Variants in HNRNPA0 observed in about 807,000 individuals in gnomAD.
HNRNPA0 encodes the protein heterogeneous nuclear ribonucleoprotein A0, also known as hnRNA binding protein.
For missense variants in HNRNPA0, 252 were observed against 433.7 expected (o/e 0.58, Z 3.72); for synonymous variants, 243 against 195.5 (o/e 1.24, Z -2.03).
chr5:137,754,164 C>G lies in HNRNPA0; in HGVS notation c.-98G>C. 7.0e-7 allele frequency: 1 copy of G among 1,434,386 alleles called. No individual in the cohort carries two copies. The highest frequency in any genetic ancestry group is 2.5e-5 in the East Asian group (1 of 39,824). The allele number at this position is 1,434,386 out of a possible 1,614,324, so 88.9% of individuals were successfully genotyped here. On this transcript the variant is annotated 5_prime_UTR_variant, in exon 1 of 1. Coordinates refer to ENST00000314940, the MANE Select transcript of HNRNPA0 (RefSeq NM_006805.4). The stretch of plus-strand genomic sequence containing the variant: ...AGGCCTCTACACAGCTTGGGCCCAG[C>G]CGTTGCTGGAGCCACCCCCGCCGCT...
chr5:137,753,272 A>G lies in HNRNPA0; in HGVS notation c.795T>C (p.Tyr265=). 6.2e-7 allele frequency: 1 copy of G among 1,600,128 alleles called. No individual in the cohort carries two copies. The highest frequency in any genetic ancestry group is 8.5e-7 in the Non-Finnish European group (1 of 1,173,928). The change falls in exon 1 of 1, where the codon TAT becomes TAC. Residue 265 remains tyrosine (Y), a synonymous_variant. Coordinates refer to ENST00000314940, the MANE Select transcript of HNRNPA0 (RefSeq NM_006805.4). The surrounding 1 kb of genome is among the most constrained non-coding windows in gnomAD (Gnocchi z 6.1). ...CGCCGCCGCCGCTCTTCATGGGCCC[A>G]TAGGAGGACTGATGCTGGCTGTAGC... The part of the protein sequence containing the change: ...FGSYSQHQSS[Y]GPMKSGGGGG...
In HNRNPA0 at chr5:137,753,730, C is replaced by G. The variant is rs142599505; in HGVS notation, c.337G>C (p.Asp113His). ...AACTGCGAGAAGTGCTCGATCAGGT[C>G]GCCCTCAGCCACGTCTCCTTTAAGG... is the stretch of plus-strand genomic sequence containing the variant. ...GGLKGDVAEGDLIEHFSQFGT... is the reference protein window; with the variant it reads ...GGLKGDVAEGHLIEHFSQFGT... Residue 113 changes from aspartate to histidine, a missense_variant, in exon 1 of 1, where the codon GAC (aspartate) becomes CAC (histidine). Coordinates refer to ENST00000314940, the MANE Select transcript of HNRNPA0 (RefSeq NM_006805.4). This position sits in a 1 kb window ranked among gnomAD's most constrained non-coding sequence, Gnocchi z 6.1. The G allele has an allele frequency of 9.3e-6, 15 of 1,612,942 alleles. No homozygotes were observed. In the African/African-American group the frequency reaches 2.0e-4, roughly 22 times the overall value.
Position 137,752,394 on chromosome 5 carries a change from T to TA in HNRNPA0, c.*754dup, listed in dbSNP as rs1228925964. The TA allele has an allele frequency of 1.3e-5, 2 of 152,084 alleles. No individual in the cohort carries two copies. Among genetic ancestry groups the TA allele is most frequent in the Admixed American group, 1.3e-4 (2 of 15,274 alleles). The allele number at this position is 152,084 out of a possible 1,614,324, so 9.4% of individuals were successfully genotyped here. ...TACAAGAGATGGATGCACAGAAACT[T>TA]AAGAGTTTAAAAAGCCACATCCACC... On this transcript the variant is annotated 3_prime_UTR_variant, in exon 1 of 1. Coordinates refer to ENST00000314940, the MANE Select transcript of HNRNPA0 (RefSeq NM_006805.4).
In HNRNPA0 at chr5:137,748,431, C is replaced by T. The variant is rs983518402; in HGVS notation, c.*4718G>A. 1.3e-5 allele frequency: 2 copies of T among 152,098 alleles called. No individual in the cohort carries two copies. The highest frequency in any genetic ancestry group is 2.4e-5 in the African/African-American group (1 of 41,388). The allele number at this position is 152,098 out of a possible 1,614,324, so 9.4% of individuals were successfully genotyped here. A position where few individuals can be genotyped will look rare whatever the true frequency, so the allele number is the denominator to read the frequency against. On this transcript the variant is annotated 3_prime_UTR_variant, in exon 1 of 1. Coordinates refer to ENST00000314940, the MANE Select transcript of HNRNPA0 (RefSeq NM_006805.4). ...CTCACCCAGCAAGTAAAGAGCAAAGCCTAAAGACCATGCATATCTCGGGTA... is the reference window on the plus strand; with the variant it reads ...CTCACCCAGCAAGTAAAGAGCAAAGTCTAAAGACCATGCATATCTCGGGTA...
In HNRNPA0 at chr5:137,745,727, A is replaced by G. The variant is rs1753401138; in HGVS notation, c.*7422T>C. On this transcript the variant is annotated 3_prime_UTR_variant, in exon 1 of 1. Transcript: ENST00000314940. ...TTGGATCATACAGGAAAAAGACATA[A>G]GCAGAATCTGGAGGAATCCATGTGC... 1 of 152,222 alleles carries G rather than the reference A, an allele frequency of 6.6e-6. No individual in the cohort carries two copies. The highest frequency in any genetic ancestry group is 6.5e-5 in the Admixed American group (1 of 15,274). The allele number at this position is 152,222 out of a possible 1,614,324, so 9.4% of individuals were successfully genotyped here. A position where few individuals can be genotyped will look rare whatever the true frequency, so the allele number is the denominator to read the frequency against.
In HNRNPA0 at chr5:137,752,585, G is replaced by C. The variant is rs1753520643; in HGVS notation, c.*564C>G. ...CAAATATCCCTTAAAAAACGGTACG[G>C]AATGGATCCTAGAAAAAAAATGTTA... On this transcript the variant is annotated 3_prime_UTR_variant, in exon 1 of 1. Coordinates refer to ENST00000314940, the MANE Select transcript of HNRNPA0 (RefSeq NM_006805.4). The C allele has an allele frequency of 1.4e-5, 2 of 145,898 alleles. No individual in the cohort carries two copies. Among genetic ancestry groups the C allele is most frequent in the African/African-American group, 4.9e-5 (2 of 40,982 alleles). The allele number at this position is 145,898 out of a possible 1,614,324, so 9.0% of individuals were successfully genotyped here.
chr5:137,754,124 C>T lies in HNRNPA0; in HGVS notation c.-58G>A. 6.5e-7 allele frequency: 1 copy of T among 1,539,026 alleles called. No homozygotes were observed. Among genetic ancestry groups the T allele is most frequent in the Non-Finnish European group, 8.7e-7 (1 of 1,143,676 alleles). ...AGCTCCGAGGTTTCGCCGTCGCCGC[C>T]GTTATCGTTGGTTAAGGCCTCTACA... On this transcript the variant is annotated 5_prime_UTR_variant, in exon 1 of 1. Transcript: ENST00000314940.
Position 137,753,851 on chromosome 5 carries a change from C to T in HNRNPA0, c.216G>A (p.Val72=). 13 of 1,612,952 alleles carry T rather than the reference C, an allele frequency of 8.1e-6. No homozygotes were observed. Among genetic ancestry groups the T allele is most frequent in the Non-Finnish European group, 1.1e-5 (13 of 1,180,014 alleles). The change falls in exon 1 of 1, where the codon GTG becomes GTA. Residue 72 remains valine, a synonymous_variant. Coordinates refer to ENST00000314940, the MANE Select transcript of HNRNPA0 (RefSeq NM_006805.4). The surrounding 1 kb of genome is among the most constrained non-coding windows in gnomAD (Gnocchi z 6.1). ...DAAMAASPHA[V]DGNTVELKRA... ...GCTTCAGCTCCACAGTGTTGCCGTC[C>T]ACGGCATGGGGCGAGGCGGCCATGG...
In HNRNPA0 at chr5:137,748,968, CTCAAAATAAATTGAATTCCCATT is replaced by C. The variant is rs1162480935; in HGVS notation, c.*4158_*4180del. 6.6e-6 allele frequency: 1 copy of C among 152,154 alleles called. No individual in the cohort carries two copies. The highest frequency in any genetic ancestry group is 1.5e-5 in the Non-Finnish European group (1 of 68,014). The allele number at this position is 152,154 out of a possible 1,614,324, so 9.4% of individuals were successfully genotyped here. A position where few individuals can be genotyped will look rare whatever the true frequency, so the allele number is the denominator to read the frequency against. On this transcript the variant is annotated 3_prime_UTR_variant, in exon 1 of 1. Transcript: ENST00000314940. ...TGCTGTAAAGGAAAAGATGCATCAT[CTCAAAATAAATTGAATTCCCATT>C]TCAAAATAAATTGAATTCCAACCAG...
rs1256147485 is a variant in HNRNPA0 at position 137,746,790 on chromosome 5, T to A, written c.*6359A>T. On this transcript the variant is annotated 3_prime_UTR_variant, in exon 1 of 1. Coordinates refer to ENST00000314940, the MANE Select transcript of HNRNPA0 (RefSeq NM_006805.4). ...CAGGGATTTTTGTCTTTTTCTTCTG[T>A]ATTTCCAGCACAATCACCCAGCAGA... The A allele has an allele frequency of 3.9e-5, 6 of 152,148 alleles. No homozygotes were observed. Among genetic ancestry groups the A allele is most frequent in the African/African-American group, 1.4e-4 (6 of 41,428 alleles). 9.4% of individuals were successfully genotyped at this position (152,148 alleles called of 1,614,324 possible).
In HNRNPA0 at chr5:137,750,218, T is replaced by C. The variant is rs1470487107; in HGVS notation, c.*2931A>G. 6.6e-6 allele frequency: 1 copy of C among 152,290 alleles called. No individual in the cohort carries two copies. Among genetic ancestry groups the C allele is most frequent in the Non-Finnish European group, 1.5e-5 (1 of 67,998 alleles). 9.4% of individuals were successfully genotyped at this position (152,290 alleles called of 1,614,324 possible). On this transcript the variant is annotated 3_prime_UTR_variant, in exon 1 of 1. Coordinates refer to ENST00000314940, the MANE Select transcript of HNRNPA0 (RefSeq NM_006805.4). ...GAAATGCTCATTGAAGCAGTTTGGA[T>C]TTTACATTTTTGTATGAGAGCTGCT... is the stretch of plus-strand genomic sequence containing the variant.
Position 137,753,671 on chromosome 5 carries a change from G to A in HNRNPA0, c.396C>T (p.Asp132=), listed in dbSNP as rs1168974458. 4.3e-6 allele frequency: 7 copies of A among 1,613,956 alleles called. No individual in the cohort carries two copies. In the Admixed American group the frequency reaches 5.0e-5, roughly 12 times the overall value. The change falls in exon 1 of 1, where the codon GAC becomes GAT. Residue 132 remains aspartate (D), a synonymous_variant. Transcript: ENST00000314940. This position sits in a 1 kb window ranked among gnomAD's most constrained non-coding sequence, Gnocchi z 6.1. ...ATCCACGCTTCTTGCCGGACTGCTT[G>A]TCGGCAATAATCTCGGCCTTTTCCA... ...GTVEKAEIIA[D]KQSGKKRGFG... is the part of the protein sequence containing the mutation.
rs1442972433 is a variant in HNRNPA0, at chr5:137,754,212, G to A, written c.-146C>T. The A allele has an allele frequency of 2.8e-6, 3 of 1,070,330 alleles. No individual in the cohort carries two copies. Among genetic ancestry groups the A allele is most frequent in the Non-Finnish European group, 1.3e-6 (1 of 754,392 alleles). 66.3% of individuals were successfully genotyped at this position (1,070,330 alleles called of 1,614,324 possible). A position where few individuals can be genotyped will look rare whatever the true frequency, so the allele number is the denominator to read the frequency against. On this transcript the variant is annotated 5_prime_UTR_variant, in exon 1 of 1. Coordinates refer to ENST00000314940, the MANE Select transcript of HNRNPA0 (RefSeq NM_006805.4). Reference sequence around the variant, plus strand: ...GCTCACCGACGGGGAAGGGAAAAAGGGAAGGGGAGGGAAGGAAGGAAGAGA... The same window carrying A: ...GCTCACCGACGGGGAAGGGAAAAAGAGAAGGGGAGGGAAGGAAGGAAGAGA...
Position 137,749,378 on chromosome 5 carries a change from A to G in HNRNPA0, c.*3771T>C, listed in dbSNP as rs184746501. The G allele has an allele frequency of 6.6e-6, 1 of 152,334 alleles. No individual in the cohort carries two copies. The allele number at this position is 152,334 out of a possible 1,614,324, so 9.4% of individuals were successfully genotyped here. On this transcript the variant is annotated 3_prime_UTR_variant, in exon 1 of 1. Transcript: ENST00000314940. ...GGCTTCAAATCAAAGTAAAAAAAAT[A>G]GGTGGAAAATAGAGAATTGCCCTTC... is the stretch of plus-strand genomic sequence containing the variant.
rs1753416127 is a variant in HNRNPA0 at position 137,746,843 on chromosome 5, T to A, written c.*6306A>T. The A allele has an allele frequency of 6.6e-6, 1 of 152,096 alleles. No individual in the cohort carries two copies. The highest frequency in any genetic ancestry group is 2.4e-5 in the African/African-American group (1 of 41,398). The allele number at this position is 152,096 out of a possible 1,614,324, so 9.4% of individuals were successfully genotyped here. On this transcript the variant is annotated 3_prime_UTR_variant, in exon 1 of 1. Coordinates refer to ENST00000314940, the MANE Select transcript of HNRNPA0 (RefSeq NM_006805.4). The stretch of plus-strand genomic sequence containing the variant: ...AGTAACAAATTTTAACTTGACATAC[T>A]AAGAAACAGGGAGGCACTGAATTTA...
At position 137,754,124 on chromosome 5, in the gene HNRNPA0, C is replaced by G; in HGVS notation, c.-58G>C. ...AGCTCCGAGGTTTCGCCGTCGCCGC[C>G]GTTATCGTTGGTTAAGGCCTCTACA... is the stretch of plus-strand genomic sequence containing the variant. On this transcript the variant is annotated 5_prime_UTR_variant, in exon 1 of 1. Transcript: ENST00000314940. 1.9e-6 allele frequency: 3 copies of G among 1,539,026 alleles called. No homozygotes were observed. The highest frequency in any genetic ancestry group is 2.6e-6 in the Non-Finnish European group (3 of 1,143,676).
In HNRNPA0 at chr5:137,753,366, T is replaced by TAGGCATTGTAGCCGCCGCCTCCGC. The variant is rs1423648728; in HGVS notation, c.677_700dup (p.Ala233_Tyr234insCysGlyGlyGlyGlyTyrAsnAla). 6.5e-7 allele frequency: 1 copy of TAGGCATTGTAGCCGCCGCCTCCGC among 1,546,418 alleles called. No homozygotes were observed. The highest frequency in any genetic ancestry group is 2.4e-5 in the East Asian group (1 of 40,834). ...GGACGAACCGCCGCCGCCGCCTCCGTAGGCATTGTAGCCGCCGCCTCCGCC... is the reference window on the plus strand; with the variant it reads ...GGACGAACCGCCGCCGCCGCCTCCGTAGGCATTGTAGCCGCCGCCTCCGCAGGCATTGTAGCCGCCGCCTCCGCC... On this transcript the variant is annotated inframe_insertion, in exon 1 of 1. Coordinates refer to ENST00000314940, the MANE Select transcript of HNRNPA0 (RefSeq NM_006805.4). The surrounding 1 kb of genome is among the most constrained non-coding windows in gnomAD (Gnocchi z 6.1).
Position 137,754,231 on chromosome 5 carries a change from G to C in HNRNPA0, c.-165C>G, listed in dbSNP as rs933580982. On this transcript the variant is annotated 5_prime_UTR_variant, in exon 1 of 1. Transcript: ENST00000314940. ...AAAAAGGGAAGGGGAGGGAAGGAAG[G>C]AAGAGAGGAAGGGGGAGGGAAGGGG... 3.5e-5 allele frequency: 32 copies of C among 920,090 alleles called. No individual in the cohort carries two copies. The highest frequency in any genetic ancestry group is 5.0e-5 in the Non-Finnish European group (31 of 622,322). The allele number at this position is 920,090 out of a possible 1,614,324, so 57.0% of individuals were successfully genotyped here.
In HNRNPA0 at chr5:137,752,996, A is replaced by G; in HGVS notation, c.*153T>C. The G allele has an allele frequency of 1.4e-6, 1 of 700,708 alleles. No individual in the cohort carries two copies. The allele number at this position is 700,708 out of a possible 1,614,324, so 43.4% of individuals were successfully genotyped here. ...AGAGGTGGCAGGCAAATAGAGGAAC[A>G]CCCCCAAGGGTAAGCAGCCTTAGAA... is the stretch of plus-strand genomic sequence containing the variant. On this transcript the variant is annotated 3_prime_UTR_variant, in exon 1 of 1. Coordinates refer to ENST00000314940, the MANE Select transcript of HNRNPA0 (RefSeq NM_006805.4).
Sources: gnomAD v4.1 joint callset for allele counts on GRCh38, gnomAD v4.1.1 for gene constraint, Gnocchi (gnomAD v3.1) non-coding constraint, MANE v1.5 for transcripts, NCBI Gene and HGNC (gene_info 2026-07-23, HGNC 2026-07-21) for gene names.